PLXNA4: variants seen among roughly 807,000 people sequenced by gnomAD.
PLXNA4 encodes the protein plexin A4.
PLXNA4 carries 44 observed loss-of-function variants against 191.8 expected under a neutral mutation model. The observed-to-expected ratio is 0.23, with a 90% CI of 0.18 to 0.29. The LOEUF (loss-of-function observed/expected upper bound fraction) is 0.29, where lower values mean the gene tolerates loss of function less well. PLXNA4 is among the 10% of genes least tolerant of loss of function. PLXNA4 has a pLI of 1.00. For missense variants in PLXNA4, 1,800 were observed against 2,488.8 expected (o/e 0.72, Z 5.89); for synonymous variants, 1,082 against 1,009.5 (o/e 1.07, Z -1.36).
chr7:132,518,724 T>C (rs1404322596), intron 1 of PLXNA4, among the ~76,000 whole-genome samples: 1 of 152,222 alleles, frequency 6.6e-6, no homozygotes, highest in African/African-American at 2.4e-5. Context: ...ACAGAGCCTT[T>C]GGACCCAGCC....
intron 2 of PLXNA4, among the ~76,000 whole-genome samples, chr7:132,627,389 AT>A (rs1357534013): frequency 3.3e-5 from 5 of 151,142 alleles, no homozygotes; most frequent in Admixed American, 1.3e-4. Context: ...TGTTGTTTTG[AT>A]TCTATATAAC....
intron 22 of PLXNA4, among the ~76,000 whole-genome samples, 157 bp from the exon 23 acceptor site, chr7:132,165,357 T>C (rs73497384): frequency 5.6e-4 from 86 of 152,302 alleles, no homozygotes; most frequent in African/African-American, 1.8e-3. Context: ...ATATGAGAGT[T>C]TCATGGACTC....
intron 4 of PLXNA4, among the ~76,000 whole-genome samples, chr7:132,278,606 G>A (rs527985455): frequency 6.4e-4 from 97 of 152,286 alleles, no homozygotes; most frequent in Middle Eastern, 3.4e-3. Context: ...GGGTTCTCAG[G>A]GCAGCGAAGG....
chr7:132,281,663 T>G (rs541723446), intron 4 of PLXNA4, among the ~76,000 whole-genome samples: 1 of 152,210 alleles, frequency 6.6e-6, no homozygotes, highest in Non-Finnish European at 1.5e-5. Flanking sequence ...TTCTTACCCA[T>G]TGTGAATGTA....
intron 30 of PLXNA4, among the ~76,000 whole-genome samples, chr7:132,137,311 A>C (rs767960372): frequency 6.6e-6 from 1 of 152,224 alleles, no homozygotes; most frequent in Non-Finnish European, 1.5e-5. Flanking sequence ...CTGTGACTCC[A>C]TTCTACTTAC....
intron 2 of PLXNA4, among the ~76,000 whole-genome samples, chr7:132,626,791 G>A (rs897985870): frequency 7.9e-5 from 12 of 152,132 alleles, no homozygotes; most frequent in Admixed American, 7.2e-4. Flanking sequence ...TTCAGCTGCA[G>A]AGAACTGTCT....
intron 1 of PLXNA4, among the ~76,000 whole-genome samples, chr7:132,563,782 TTCCTCCTCCTTCTCCTCCTCCTTC>T (rs1252688231): frequency 2.9e-4 from 7 of 23,954 alleles, no homozygotes; most frequent in Non-Finnish European, 4.2e-4. Flanking sequence ...CCTCCTCCTC[TTCCTCCTCCTTCTCCTCCTCCTTC>T]TCCTCCTCCT....
chr7:132,378,827 T>C (rs536976824), intron 3 of PLXNA4, among the ~76,000 whole-genome samples: 1 of 151,904 alleles, frequency 6.6e-6, no homozygotes, highest in African/African-American at 2.4e-5. Flanking sequence ...GCCAAGACAA[T>C]TCTGAAATGG....
intron 16 of PLXNA4, 126 bp downstream of exon 16, chr7:132,185,173 G>C (rs932707232): frequency 1.5e-6 from 2 of 1,358,776 alleles, no homozygotes; most frequent in South Asian, 3.1e-5. Flanking sequence ...GGGGTGTTTG[G>C]AATCAATTCC....
In PLXNA4 at chr7:132,223,544, G is replaced by A. The variant is rs997228646; in HGVS notation, c.2080C>T (p.Arg694Ter). ...DPKTCSFQEGRVKLPEDCPQL... is the reference protein window; with the variant it reads ...DPKTCSFQEG ...GGACCTACCTCGGGCAGCTTCACTC[G>A]GCCTTCCTGGAAGGAGCAGGTCTTG... is the stretch of plus-strand genomic sequence containing the variant. The change falls in exon 9 of 32, where the codon CGA becomes TGA. Residue 694 changes from arginine (R) to a stop codon, truncating the protein, a stop_gained. Coordinates refer to ENST00000321063, the MANE Select transcript of PLXNA4 (RefSeq NM_020911.2). LOFTEE classifies it high-confidence loss of function. 1.2e-6 allele frequency: 2 copies of A among 1,613,156 alleles called. No individual in the cohort carries two copies. The highest frequency in any genetic ancestry group is 1.3e-5 in the African/African-American group (1 of 74,958).
At chr7:132,428,480 G>T (rs1358101841) in intron 3 of PLXNA4, among the ~76,000 whole-genome samples, 1 of 152,244 alleles carries the variant, frequency 6.6e-6, no homozygotes, top group Admixed American at 6.5e-5. Context: ...AGCTCTACCA[G>T]TGTCAGCAGA....
At chr7:132,626,276 T>A (rs917796949) in intron 2 of PLXNA4, among the ~76,000 whole-genome samples, 2 of 152,248 alleles carry the variant, frequency 1.3e-5, no homozygotes, top group African/African-American at 2.4e-5. Context: ...GTGGACACTG[T>A]CATGCACAGC....
chr7:132,180,816 G>A, intron 18 of PLXNA4, 84 bp from the exon 19 acceptor site: 2 of 1,546,954 alleles, frequency 1.3e-6, no homozygotes, highest in Non-Finnish European at 1.8e-6. Context: ...CCACCTGGAG[G>A]TCCCATCCCG....
chr7:132,439,993 TGA>T (rs10639195), intron 3 of PLXNA4, among the ~76,000 whole-genome samples: 4,337 of 37,988 alleles, frequency 0.11, 242 homozygotes, highest in East Asian at 0.49. Context: ...TGTGCATGTG[TGA>T]GTGTGTGTGT....
At position 132,558,040 on chromosome 7, in the gene PLXNA4, A is replaced by T. The variant is rs531813760; in HGVS notation, c.-87+18382T>A. ...TCAAGAAGCTTGCAATTAAGTGGGAATATGAGATGTAAATACTGAAAATAC... is the reference window on the plus strand; with the variant it reads ...TCAAGAAGCTTGCAATTAAGTGGGATTATGAGATGTAAATACTGAAAATAC... On this transcript the variant is annotated intron_variant, in intron 1 of 31. Coordinates refer to ENST00000321063, the MANE Select transcript of PLXNA4 (RefSeq NM_020911.2). Among the ~76,000 whole-genome samples the T allele has an allele frequency of 3.3e-5, 5 of 152,320 alleles. No homozygotes were observed. The South Asian group carries it at 8.3e-4, about 25-fold the overall frequency.
chr7:132,417,517 A>G (rs1354457008), intron 3 of PLXNA4, among the ~76,000 whole-genome samples: 1 of 152,210 alleles, frequency 6.6e-6, no homozygotes, highest in Admixed American at 6.5e-5. Flanking sequence ...TAGTTCACAA[A>G]TTCCTTGAGG....
At chr7:132,517,372 G>A (rs1187691175) in intron 1 of PLXNA4, among the ~76,000 whole-genome samples, 1 of 152,196 alleles carries the variant, frequency 6.6e-6, no homozygotes, top group Non-Finnish European at 1.5e-5. Context: ...CCACCCAGCT[G>A]GATAAAGAGG....
chr7:132,227,744 A>C (rs944617562), intron 6 of PLXNA4, 140 bp from the exon 7 acceptor site: 2 of 1,124,616 alleles, frequency 1.8e-6, no homozygotes, highest in Admixed American at 4.5e-5. Flanking sequence ...TAACATGGAG[A>C]AGAGACTCAG....
intron 2 of PLXNA4, among the ~76,000 whole-genome samples, chr7:132,603,998 G>A (rs1028461220): frequency 5.9e-5 from 9 of 152,118 alleles, no homozygotes; most frequent in African/African-American, 1.9e-4. Context: ...GGATTTAAAC[G>A]ATAACATGCC....
Sources: gnomAD v4.1 joint callset for allele counts (sites outside exome capture counted in the v4.1 genomes callset) on GRCh38, gnomAD v4.1.1 for gene constraint, MANE v1.5 for transcripts, NCBI Gene and HGNC (gene_info 2026-07-23, HGNC 2026-07-21) for gene names.